Variants in GBP7 observed in about 807,000 individuals in gnomAD.
GBP7 encodes the protein guanylate-binding protein 7.
In GBP7, 43 loss-of-function variants were observed where a neutral mutation model predicts 61.3. The observed-to-expected ratio is 0.70, with a 90% confidence interval of 0.55 to 0.91. The LOEUF (loss-of-function observed/expected upper bound fraction) is 0.91, where lower values mean the gene tolerates loss of function less well. GBP7 is among the 40% of genes least tolerant of loss of function. The pLI is 0.00. For synonymous variants in GBP7, 267 were observed against 271.0 expected (o/e 0.99, Z 0.14); for missense variants, 717 against 740.5 (o/e 0.97, Z 0.37).
chr1:89,152,835 G>T (rs1309805680), intron 3 of GBP7, 58 bp from the exon 4 acceptor site: 60 of 1,380,924 alleles, frequency 4.3e-5, no homozygotes, highest in Non-Finnish European at 5.7e-5. Flanking sequence ...ACATCTCAAG[G>T]TCAACTACTT....
chr1:89,164,940 CG>C, intron 2 of GBP7, 82 bp from the exon 3 acceptor site: 2 of 1,392,474 alleles, frequency 1.4e-6, no homozygotes, highest in African/African-American at 1.4e-5. Context: ...TGTATAGGAA[CG>C]TTAAGTTCCT....
intron 1 of GBP7, among the ~76,000 whole-genome samples, chr1:89,175,643 A>G (rs1647720830): frequency 6.6e-6 from 1 of 152,234 alleles, no homozygotes; most frequent in Non-Finnish European, 1.5e-5. Context: ...TTAGGCAGAT[A>G]TTTAAAGATA....
intron 3 of GBP7, among the ~76,000 whole-genome samples, chr1:89,158,074 C>G (rs534939051): frequency 6.6e-6 from 1 of 152,080 alleles, no homozygotes; most frequent in African/African-American, 2.4e-5. Flanking sequence ...AATCAATAAA[C>G]GTAATCCATC....
intron 1 of GBP7, among the ~76,000 whole-genome samples, chr1:89,174,557 T>C (rs2100665198): frequency 6.6e-6 from 1 of 152,338 alleles, no homozygotes; most frequent in South Asian, 2.1e-4. Context: ...AACATTGTGT[T>C]ATACATATCT....
intron 2 of GBP7, among the ~76,000 whole-genome samples, chr1:89,166,250 A>G (rs1397961057): frequency 6.6e-6 from 1 of 152,194 alleles, no homozygotes; most frequent in Non-Finnish European, 1.5e-5. Flanking sequence ...TCATGTAGTG[A>G]TTCTTTTTCC....
intron 7 of GBP7, among the ~76,000 whole-genome samples, chr1:89,148,568 C>T (rs545265409): frequency 1.3e-5 from 2 of 152,296 alleles, no homozygotes; most frequent in Admixed American, 6.5e-5. Flanking sequence ...GAAAGCAGAG[C>T]TTTTTTGTTT....
At chr1:89,135,716 C>T (rs569367719) in intron 9 of GBP7, among the ~76,000 whole-genome samples, 1 of 152,224 alleles carries the variant, frequency 6.6e-6, no homozygotes, top group East Asian at 1.9e-4. Flanking sequence ...AAATGAAAGA[C>T]CATTATCAGC....
In GBP7 at chr1:89,174,216, C is replaced by T. The variant is rs181233750; in HGVS notation, c.-20+1705G>A. Among the ~76,000 whole-genome samples, 49 of 152,248 alleles carry T rather than the reference C, an allele frequency of 3.2e-4. No homozygotes were observed. The East Asian group carries it at 8.9e-3, about 28-fold the overall frequency. ...ATGCTGCAATGAATAACTCTGCTAA[C>T]GTTATGCATGTGTATTTTTATATTG... On this transcript the variant is annotated intron_variant, in intron 1 of 10. Transcript: ENST00000294671.
intron 9 of GBP7, among the ~76,000 whole-genome samples, chr1:89,137,185 C>A (rs1242140582): frequency 6.6e-6 from 1 of 151,876 alleles, no homozygotes; most frequent in Non-Finnish European, 1.5e-5. Context: ...GCAGAAAAAG[C>A]CCTAGACCAG....
At chr1:89,156,962 C>A (rs1312621072) in intron 3 of GBP7, among the ~76,000 whole-genome samples, 1 of 152,192 alleles carries the variant, frequency 6.6e-6, no homozygotes, top group African/African-American at 2.4e-5. Flanking sequence ...AAGTAAAGCA[C>A]TCCTCAGCAA....
intron 3 of GBP7, among the ~76,000 whole-genome samples, chr1:89,160,122 A>C (rs576608350): frequency 5.4e-4 from 82 of 152,298 alleles, no homozygotes; most frequent in African/African-American, 1.7e-3. Context: ...CAGAAAAGCA[A>C]ACACCGCATG....
intron 3 of GBP7, among the ~76,000 whole-genome samples, chr1:89,162,989 T>G (rs1264549850): frequency 1.3e-5 from 2 of 152,112 alleles, no homozygotes; most frequent in African/African-American, 4.8e-5. Flanking sequence ...TGAATTTTAT[T>G]GAAAACATTT....
At chr1:89,169,309 A>G (rs1222841053) in intron 2 of GBP7, among the ~76,000 whole-genome samples, 2 of 152,182 alleles carry the variant, frequency 1.3e-5, no homozygotes, top group Non-Finnish European at 2.9e-5. Flanking sequence ...AAAGAGCTCT[A>G]TTTAATTGGC....
At chr1:89,138,811 G>A (rs936323579) in intron 9 of GBP7, among the ~76,000 whole-genome samples, 4 of 151,952 alleles carry the variant, frequency 2.6e-5, no homozygotes, top group Non-Finnish European at 4.4e-5. Flanking sequence ...CACTGCAACC[G>A]AACAAAAAGT....
chr1:89,155,032 G>T (rs186403111), intron 3 of GBP7, among the ~76,000 whole-genome samples: 108 of 152,260 alleles, frequency 7.1e-4, no homozygotes, highest in African/African-American at 2.6e-3. Flanking sequence ...AGCAACATTT[G>T]CCATTCTGCA....
intron 5 of GBP7, 93 bp from the exon 6 acceptor site, chr1:89,150,668 A>G: frequency 7.8e-7 from 1 of 1,277,178 alleles, no homozygotes; most frequent in Non-Finnish European, 1.1e-6. Context: ...CAATCACTAC[A>G]GTCTCTTGTG....
intron 9 of GBP7, among the ~76,000 whole-genome samples, chr1:89,134,228 C>G (rs1639747532): frequency 6.6e-6 from 1 of 152,226 alleles, no homozygotes; most frequent in African/African-American, 2.4e-5. Flanking sequence ...AATGCACCCT[C>G]TCCCCACTGT....
intron 9 of GBP7, among the ~76,000 whole-genome samples, chr1:89,138,347 C>T (rs951548397): frequency 3.3e-5 from 5 of 151,942 alleles, no homozygotes; most frequent in Admixed American, 6.6e-5. Flanking sequence ...AAAAAAACCC[C>T]GAGTAGCCAA....
At chr1:89,174,440 A>G (rs1647685533) in intron 1 of GBP7, among the ~76,000 whole-genome samples, 1 of 152,188 alleles carries the variant, frequency 6.6e-6, no homozygotes, top group Non-Finnish European at 1.5e-5. Context: ...TGAATTAATT[A>G]CAAAATTTCC....
Sources: allele counts gnomAD v4.1 joint callset (sites outside exome capture counted in the v4.1 genomes callset), GRCh38; gene constraint gnomAD v4.1.1; transcripts MANE v1.5; gene names NCBI Gene and HGNC (gene_info 2026-07-23, HGNC 2026-07-21).